The following SPTBN1 variants were observed in gnomAD, a reference collection of about 807,000 sequenced individuals.
SPTBN1 encodes the protein spectrin beta chain, non-erythrocytic 1.
A neutral mutation model predicts 266.4 loss-of-function variants in SPTBN1; 32 were observed. The observed-to-expected ratio is 0.12, with a 90% confidence interval of 0.09 to 0.16. The LOEUF (loss-of-function observed/expected upper bound fraction) is 0.16. SPTBN1 is among the 10% of genes least tolerant of loss of function. The pLI is 1.00. For missense variants in SPTBN1, 2,296 were observed against 3,067.1 expected, an observed-to-expected ratio of 0.75 and a Z score of 5.94; for synonymous variants, 1,336 against 1,162.2, an observed-to-expected ratio of 1.15 and a Z score of -3.04.
At chr2:54,594,098 G>A (rs1187183699) in intron 2 of SPTBN1, among the ~76,000 whole-genome samples, 1 of 151,978 alleles carries the variant, frequency 6.6e-6, no homozygotes, top group Non-Finnish European at 1.5e-5. Context: ...CCCAAAGCTG[G>A]GATTATAGGT....
intron 10 of SPTBN1, 38 bp from the exon 11 acceptor site, chr2:54,624,766 A>G (rs1310316462): frequency 1.2e-6 from 2 of 1,612,678 alleles, no homozygotes; most frequent in Non-Finnish European, 1.7e-6. Flanking sequence ...CACTGCAGGA[A>G]ACTGTGTTTG....
intron 3 of SPTBN1, among the ~76,000 whole-genome samples, chr2:54,603,987 T>C (rs1235816588): frequency 6.6e-6 from 1 of 152,200 alleles, no homozygotes; most frequent in African/African-American, 2.4e-5. Context: ...TAGATTGTTA[T>C]CATACAGCTG....
chr2:54,622,511 T>A, intron 9 of SPTBN1, 24 bp downstream of exon 9: 1 of 1,607,756 alleles, frequency 6.2e-7, no homozygotes, highest in Non-Finnish European at 8.5e-7. Flanking sequence ...TGTAGTGTGA[T>A]CATTAATATG....
rs558492222 is a variant in SPTBN1 at position 54,645,211 on chromosome 2, C to T, written c.4270-18C>T. The T allele has an allele frequency of 9.3e-6, 15 of 1,613,254 alleles. No homozygotes were observed. The South Asian group carries it at 1.6e-4, about 18-fold the overall frequency. On this transcript the variant is annotated intron_variant, in intron 20 of 35. Transcript: ENST00000356805. The surrounding 1 kb of genome is among the most constrained non-coding windows in gnomAD (Gnocchi z 4.3). ...AGATAGTCTGTGCTGAGCGCTGAGG[C>T]TGCTTCTCTGCCCTCAGATGCTGGA...
chr2:54,650,641 G>T (rs544526721), intron 26 of SPTBN1, among the ~76,000 whole-genome samples: 9 of 152,316 alleles, frequency 5.9e-5, no homozygotes, highest in Non-Finnish European at 1.3e-4. Context: ...ATTATGTCAA[G>T]GGTTCTTGTT....
In SPTBN1 at chr2:54,588,190, C is replaced by T. The variant is rs114628345; in HGVS notation, c.149-10902C>T. Reference sequence around the variant, plus strand: ...CTATGGGGTATCATCAGCCTCCTCCCCTTCCTCTTCCTCCTCCTTTTAACC... The same window carrying T: ...CTATGGGGTATCATCAGCCTCCTCCTCTTCCTCTTCCTCCTCCTTTTAACC... On this transcript the variant is annotated intron_variant, in intron 2 of 35. Coordinates refer to ENST00000356805, the MANE Select transcript of SPTBN1 (RefSeq NM_003128.3). 8.6e-3 allele frequency among the ~76,000 whole-genome samples: 1,307 copies of T among 152,244 alleles called. 10 individuals are homozygous for T. The highest frequency in any genetic ancestry group is 0.015 in the Non-Finnish European group (1,016 of 68,014).
intron 1 of SPTBN1, among the ~76,000 whole-genome samples, chr2:54,471,063 C>CT (rs1188708012): frequency 6.6e-5 from 10 of 152,168 alleles, no homozygotes; most frequent in African/African-American, 1.9e-4. Context: ...GACACCCCTG[C>CT]TTTAGAATGT....
Position 54,668,815 on chromosome 2 carries a change from T to C in SPTBN1, c.*246T>C. On this transcript the variant is annotated 3_prime_UTR_variant, in exon 36 of 36. Coordinates refer to ENST00000356805, the MANE Select transcript of SPTBN1 (RefSeq NM_003128.3). ...TTTTTTTTTAATGAAATTATATAGA[T>C]TAGATCTCAGTATTTAAACTGTTCC... 2.1e-6 allele frequency: 1 copy of C among 467,830 alleles called. No homozygotes were observed. The allele number at this position is 467,830 out of a possible 1,614,324, so 29.0% of individuals were successfully genotyped here.
intron 1 of SPTBN1, among the ~76,000 whole-genome samples, chr2:54,521,112 T>G (rs1342881698): frequency 2.0e-5 from 3 of 152,190 alleles, no homozygotes; most frequent in African/African-American, 2.4e-5. Context: ...CTGGGACACC[T>G]GTATGTGTGA....
chr2:54,632,958 T>A (rs963877797), intron 17 of SPTBN1, among the ~76,000 whole-genome samples, 190 bp downstream of exon 17: 1 of 152,194 alleles, frequency 6.6e-6, no homozygotes, highest in African/African-American at 2.4e-5. Context: ...AATGTGGGTC[T>A]GGTGAGACAT....
intron 2 of SPTBN1, among the ~76,000 whole-genome samples, chr2:54,593,430 C>A (rs1478140014): frequency 6.6e-6 from 1 of 152,082 alleles, no homozygotes; most frequent in Non-Finnish European, 1.5e-5. Flanking sequence ...ACTTTGTTTT[C>A]CACTTTCCTC....
intron 3 of SPTBN1, among the ~76,000 whole-genome samples, chr2:54,605,824 C>G (rs1359253378): frequency 6.6e-6 from 1 of 152,134 alleles, no homozygotes; most frequent in East Asian, 1.9e-4. Flanking sequence ...CTTGTTTATT[C>G]TTGTTATTCT....
At chr2:54,473,871 C>T (rs1285747926) in intron 1 of SPTBN1, among the ~76,000 whole-genome samples, 2 of 152,180 alleles carry the variant, frequency 1.3e-5, no homozygotes, top group Non-Finnish European at 2.9e-5. Context: ...CTTGTACTGG[C>T]ACAAGCTTAT....
intron 1 of SPTBN1, among the ~76,000 whole-genome samples, chr2:54,498,185 T>C (rs748264590): frequency 6.6e-5 from 10 of 152,006 alleles, no homozygotes; most frequent in Non-Finnish European, 1.3e-4. Context: ...AGCAAGAGAG[T>C]AGCAGCTAAG....
chr2:54,560,415 A>G (rs1238438453), intron 2 of SPTBN1, among the ~76,000 whole-genome samples: 1 of 152,086 alleles, frequency 6.6e-6, no homozygotes, highest in African/African-American at 2.4e-5. Context: ...GTGAGGGAGG[A>G]GTGCACCCCT....
intron 7 of SPTBN1, among the ~76,000 whole-genome samples, chr2:54,619,614 A>G (rs1042189687): frequency 2.8e-4 from 43 of 152,204 alleles, no homozygotes; most frequent in Non-Finnish European, 6.3e-4. Flanking sequence ...ATCAGTTAAA[A>G]TCTACTTGTA....
At chr2:54,490,475 A>AT (rs1326701231) in intron 1 of SPTBN1, among the ~76,000 whole-genome samples, 1 of 152,174 alleles carries the variant, frequency 6.6e-6, no homozygotes, top group Non-Finnish European at 1.5e-5. Flanking sequence ...ATAGGAAAAT[A>AT]TTTACTAGGA....
chr2:54,612,092 G>A, intron 3 of SPTBN1, 69 bp from the exon 4 acceptor site: 1 of 1,441,720 alleles, frequency 6.9e-7, no homozygotes, highest in Middle Eastern at 1.8e-4. Flanking sequence ...CATGTGACTA[G>A]GCAGTAACTC....
At chr2:54,658,945 G>A (rs1680854986) in intron 30 of SPTBN1, among the ~76,000 whole-genome samples, 2 of 152,314 alleles carry the variant, frequency 1.3e-5, no homozygotes, top group Non-Finnish European at 2.9e-5. Context: ...AATTTTGCCA[G>A]CCCATGGAAT....
Sources: gnomAD v4.1 joint callset for allele counts (sites outside exome capture counted in the v4.1 genomes callset) on GRCh38, gnomAD v4.1.1 for gene constraint, Gnocchi (gnomAD v3.1) non-coding constraint, MANE v1.5 for transcripts, NCBI Gene and HGNC (gene_info 2026-07-23, HGNC 2026-07-21) for gene names.